The following ITCH variants were observed in gnomAD, a reference collection of about 807,000 sequenced individuals.
ITCH encodes E3 ubiquitin-protein ligase Itchy homolog.
A neutral mutation model predicts 126.8 loss-of-function variants in ITCH; 28 were observed. The observed-to-expected ratio is 0.22, with a 90% CI of 0.16 to 0.30. The LOEUF (loss-of-function observed/expected upper bound fraction) is 0.30. Among genes scored for constraint, ITCH ranks in the 10% least tolerant of loss-of-function variants. The pLI is 1.00. For missense variants in ITCH, 631 were observed against 1,032.4 expected (o/e 0.61, Z 5.33); for synonymous variants, 342 against 340.0 (o/e 1.01, Z -0.06).
intron 23 of ITCH, among the ~76,000 whole-genome samples, chr20:34,501,574 G>A (rs1426730260): frequency 1.3e-5 from 2 of 152,026 alleles, no homozygotes; most frequent in Non-Finnish European, 2.9e-5. Context: ...TTGGGAGTTC[G>A]AGACCAGCCT....
intron 14 of ITCH, among the ~76,000 whole-genome samples, chr20:34,463,860 T>C (rs1986772367): frequency 6.6e-6 from 1 of 152,118 alleles, no homozygotes; most frequent in South Asian, 2.1e-4. Flanking sequence ...TAATCCCTTA[T>C]CAAATACATG....
chr20:34,504,462 TA>T, intron 24 of ITCH, 59 bp downstream of exon 24: 1 of 1,056,190 alleles, frequency 9.5e-7, no homozygotes, highest in African/African-American at 1.6e-5. Flanking sequence ...TGTAGCTATT[TA>T]AAGCCAGCTA....
chr20:34,488,794 T>G (rs780156939), intron 20 of ITCH, among the ~76,000 whole-genome samples: 1 of 152,200 alleles, frequency 6.6e-6, no homozygotes, highest in Non-Finnish European at 1.5e-5. Flanking sequence ...TCGTAGCACT[T>G]TGGATGGCGG....
At chr20:34,398,246 A>G (rs895055930) in intron 3 of ITCH, among the ~76,000 whole-genome samples, 2 of 151,922 alleles carry the variant, frequency 1.3e-5, no homozygotes. Flanking sequence ...TATTTTTTAT[A>G]GAGATGGCGT....
chr20:34,387,704 A>ATTTTTTTTTTTTTTTTTTTT (rs11477181), intron 2 of ITCH, among the ~76,000 whole-genome samples: 1 of 148,874 alleles, frequency 6.7e-6, no homozygotes, highest in Non-Finnish European at 1.5e-5. Context: ...TTGTTACTAG[A>ATTTTTTTTTTTTTTTTTTTT]TTTTTTTTTT....
At chr20:34,402,054 C>T (rs1307100501) in intron 3 of ITCH, 6 of 682,938 alleles carry the variant, frequency 8.8e-6, no homozygotes, top group East Asian at 5.0e-5. Flanking sequence ...ATGGCAAAAA[C>T]GAATTTTAAT....
chr20:34,405,013 C>G (rs1416604596), intron 3 of ITCH, among the ~76,000 whole-genome samples: 1 of 151,884 alleles, frequency 6.6e-6, no homozygotes, highest in Non-Finnish European at 1.5e-5. Flanking sequence ...GTGGCACGCA[C>G]CTGTAGTCCC....
At chr20:34,460,602 T>G (rs1986416932) in intron 13 of ITCH, among the ~76,000 whole-genome samples, 1 of 152,160 alleles carries the variant, frequency 6.6e-6, no homozygotes, top group Admixed American at 6.6e-5. Context: ...CTCATAGACA[T>G]TGTTGTCTCT....
chr20:34,474,271 A>G (rs1277004461), intron 16 of ITCH, among the ~76,000 whole-genome samples: 1 of 152,116 alleles, frequency 6.6e-6, no homozygotes, highest in Non-Finnish European at 1.5e-5. Context: ...TAAACAAGTG[A>G]ACAAAGGTCC....
intron 23 of ITCH, among the ~76,000 whole-genome samples, chr20:34,497,592 T>C (rs1050439626): frequency 3.9e-5 from 6 of 152,198 alleles, no homozygotes; most frequent in Non-Finnish European, 8.8e-5. Context: ...GTTTTTGTTT[T>C]TTGAGATGGA....
rs376926661 is a variant in ITCH, at chr20:34,397,946, GT to G, written c.70+4072del. Among the ~76,000 whole-genome samples, 472 of 149,312 alleles carry G rather than the reference GT, an allele frequency of 3.2e-3. 11 individuals are homozygous for G. The South Asian group carries it at 0.05, about 16-fold the overall frequency. ...TTATTCTCAGAGACAATGATTAATA[GT>G]TTTTTTCTTTGCATAAAGTGTCTTA... is the stretch of plus-strand genomic sequence containing the variant. On this transcript the variant is annotated intron_variant, in intron 3 of 24. Transcript: ENST00000374864.
intron 2 of ITCH, among the ~76,000 whole-genome samples, chr20:34,375,334 C>A (rs2037795586): frequency 6.6e-6 from 1 of 150,978 alleles, no homozygotes; most frequent in Non-Finnish European, 1.5e-5. Flanking sequence ...AGCCACCGCA[C>A]CTGGCCTTTT....
intron 3 of ITCH, among the ~76,000 whole-genome samples, chr20:34,394,420 TA>T (rs1426948023): frequency 6.6e-6 from 1 of 152,110 alleles, no homozygotes; most frequent in African/African-American, 2.4e-5. Flanking sequence ...GGTATTGTAT[TA>T]ACAGCTTTAT....
chr20:34,407,249 A>G (rs2039091371), intron 3 of ITCH, among the ~76,000 whole-genome samples: 2 of 152,158 alleles, frequency 1.3e-5, no homozygotes, highest in Admixed American at 1.3e-4. Flanking sequence ...CAACACACAG[A>G]ATAAAATCTA....
chr20:34,492,676 A>C (rs1261928278), intron 23 of ITCH, 79 bp downstream of exon 23: 4 of 908,672 alleles, frequency 4.4e-6, no homozygotes, highest in Non-Finnish European at 5.6e-6. Flanking sequence ...ACAGCCTATT[A>C]GAAACAACAA....
chr20:34,469,952 A>C, intron 14 of ITCH, 96 bp from the exon 15 acceptor site: 1 of 889,112 alleles, frequency 1.1e-6, no homozygotes, highest in South Asian at 1.3e-5. Context: ...GAATTTGGTT[A>C]GTAAGTGCTG....
At chr20:34,391,516 C>A (rs1418873213) in intron 2 of ITCH, among the ~76,000 whole-genome samples, 1 of 152,072 alleles carries the variant, frequency 6.6e-6, no homozygotes, top group Non-Finnish European at 1.5e-5. Flanking sequence ...TTGATACCTG[C>A]ATAGTAATCT....
chr20:34,504,319 A>T lies in ITCH; in HGVS notation c.2417-12A>T, dbSNP rs769931108. 1.2e-6 allele frequency: 2 copies of T among 1,606,118 alleles called. No individual in the cohort carries two copies. The highest frequency in any genetic ancestry group is 1.7e-6 in the Non-Finnish European group (2 of 1,172,748). Reference sequence around the variant, plus strand: ...ATACTAACAAACTGTTTATGATTTCATTATGTTTTAGGGAGCAATGGACCA... The same window carrying T: ...ATACTAACAAACTGTTTATGATTTCTTTATGTTTTAGGGAGCAATGGACCA... On this transcript the variant is annotated splice_polypyrimidine_tract_variant and intron_variant, in intron 23 of 24. Coordinates refer to ENST00000374864, the MANE Select transcript of ITCH (RefSeq NM_031483.7).
intron 7 of ITCH, among the ~76,000 whole-genome samples, chr20:34,426,615 G>A (rs2146230109): frequency 6.7e-6 from 1 of 148,796 alleles, no homozygotes; most frequent in East Asian, 2.0e-4. Flanking sequence ...ACCATGCCCG[G>A]CTGTTTGTAT....
Sources: gnomAD v4.1 joint callset for allele counts (sites outside exome capture counted in the v4.1 genomes callset) on GRCh38, gnomAD v4.1.1 for gene constraint, MANE v1.5 for transcripts, NCBI Gene and HGNC (gene_info 2026-07-23, HGNC 2026-07-21) for gene names.